Variants in PGPEP1L observed in about 807,000 individuals in gnomAD.
The protein encoded by PGPEP1L is pyroglutamyl-peptidase I like.
PGPEP1L carries 7 observed loss-of-function variants against 6.0 expected under a neutral mutation model. The ratio of observed to expected loss-of-function variants is 1.17; its 90% confidence interval spans 0.66 to 2.19. The LOEUF (loss-of-function observed/expected upper bound fraction) is 2.19. Ranked by LOEUF, PGPEP1L falls within the 30% of genes most tolerant of loss-of-function variation. The pLI, the probability that PGPEP1L is intolerant of heterozygous loss-of-function variation, is 0.00. For missense variants in PGPEP1L, 209 were observed against 192.5 expected (o/e 1.09, Z -0.51); for synonymous variants, 103 against 83.9 (o/e 1.23, Z -1.24).
Position 98,979,633 on chromosome 15 carries a change from C to CTTTTTTTTTTT in PGPEP1L, c.-141-8486_-141-8476dup, listed in dbSNP as rs568793204. On this transcript the variant is annotated intron_variant, in intron 2 of 4. Coordinates refer to ENST00000535714, the MANE Select transcript of PGPEP1L (RefSeq NM_001167902.2). ...AACCTGGATGGGATTGGAGACTATT[C>CTTTTTTTTTTT]TTTTTTTTTTTTTTTTTTTTTTTTT... 1.2e-3 allele frequency among the ~76,000 whole-genome samples: 55 copies of CTTTTTTTTTTT among 46,462 alleles called. 4 individuals are homozygous for CTTTTTTTTTTT. The highest frequency in any genetic ancestry group is 1.9e-3 in the Non-Finnish European group (40 of 21,264). 30.5% of individuals were successfully genotyped at this position (46,462 alleles called of 152,430 possible).
intron 2 of PGPEP1L, among the ~76,000 whole-genome samples, chr15:98,974,130 C>T (rs1721984325): frequency 6.6e-6 from 1 of 152,134 alleles, no homozygotes. Context: ...GCTGTAATCC[C>T]ACCACTTTGG....
intron 2 of PGPEP1L, among the ~76,000 whole-genome samples, chr15:98,980,100 T>G (rs570572181): frequency 4.5e-4 from 69 of 152,152 alleles, no homozygotes; most frequent in Admixed American, 7.9e-4. Flanking sequence ...GCTTGGGTGA[T>G]GCTGCACCAA....
chr15:98,984,924 A>T (rs912767594), intron 2 of PGPEP1L, among the ~76,000 whole-genome samples: 4 of 152,094 alleles, frequency 2.6e-5, no homozygotes, highest in Non-Finnish European at 5.9e-5. Flanking sequence ...GGAACCCTGG[A>T]CGTGGGCCTG....
At chr15:98,985,201 CCCTCAGGT>C in intron 2 of PGPEP1L, among the ~76,000 whole-genome samples, 1 of 152,272 alleles carries the variant, frequency 6.6e-6, no homozygotes, top group Non-Finnish European at 1.5e-5. Context: ...ACTTCGCTCA[CCCTCAGGT>C]CCTCAGGTTC....
chr15:98,991,462 A>G (rs1391203398), intron 2 of PGPEP1L, among the ~76,000 whole-genome samples: 1 of 152,208 alleles, frequency 6.6e-6, no homozygotes, highest in African/African-American at 2.4e-5. Context: ...TGAGGCACTA[A>G]TTGATAGCCT....
chr15:98,989,855 C>A (rs1191934168), intron 2 of PGPEP1L, among the ~76,000 whole-genome samples: 3 of 152,082 alleles, frequency 2.0e-5, no homozygotes, highest in African/African-American at 7.2e-5. Context: ...GAATTTTCAA[C>A]CCAGAATTTC....
intron 2 of PGPEP1L, among the ~76,000 whole-genome samples, chr15:98,997,932 A>G (rs1184735899): frequency 9.2e-5 from 14 of 152,110 alleles, no homozygotes; most frequent in African/African-American, 3.1e-4. Flanking sequence ...CATGAGGCAG[A>G]CAAGTCACAA....
rs761327265 is a variant in PGPEP1L at position 98,968,639 on chromosome 15, G to A, written c.268C>T (p.Leu90Phe). ...SLHHGKGCAA[L>F]IHVPPLSRGL... ...CGCGATAGTGGAGGGACATGGATGA[G>A]TGCCGCGCAGCCCTTTCCATGATGC... Residue 90 changes from leucine to phenylalanine, a missense_variant, in exon 5 of 5, where the codon CTC (leucine) becomes TTC (phenylalanine). Leu to Phe is a conservative substitution (Grantham distance 22). Transcript: ENST00000535714. 3.1e-6 allele frequency: 5 copies of A among 1,599,292 alleles called. No individual in the cohort carries two copies. The highest frequency in any genetic ancestry group is 4.3e-6 in the Non-Finnish European group (5 of 1,172,798).
At position 98,974,322 on chromosome 15, in the gene PGPEP1L, TAA is replaced by T. The variant is rs2017538234; in HGVS notation, c.-141-3166_-141-3165del. Among the ~76,000 whole-genome samples the T allele has an allele frequency of 2.0e-5, 3 of 151,940 alleles. No homozygotes were observed. In the South Asian group the frequency reaches 6.2e-4, roughly 32 times the overall value. On this transcript the variant is annotated intron_variant, in intron 2 of 4. Transcript: ENST00000535714. ...TGAGCCCAGAAGGTTGAGACTGCAG[TAA>T]GCCAAGATCACAGCACTGCACTCCA...
intron 2 of PGPEP1L, among the ~76,000 whole-genome samples, chr15:98,990,862 T>G (rs894687294): frequency 5.9e-5 from 9 of 152,208 alleles, no homozygotes; most frequent in African/African-American, 2.2e-4. Context: ...CCTGAATGAC[T>G]ACTGGGTAAA....
At chr15:99,005,157 T>C (rs1437797921) in intron 2 of PGPEP1L, among the ~76,000 whole-genome samples, 1 of 152,198 alleles carries the variant, frequency 6.6e-6, no homozygotes, top group Non-Finnish European at 1.5e-5. Flanking sequence ...AGGCAAGGTC[T>C]GAGCCTAAGC....
chr15:99,006,557 ACTGGCTCACGC>A (rs2018066842), intron 1 of PGPEP1L, among the ~76,000 whole-genome samples: 3 of 152,266 alleles, frequency 2.0e-5, no homozygotes, highest in Admixed American at 1.3e-4. Context: ...GGCCAGGTGC[ACTGGCTCACGC>A]CTTTAATTTC....
intron 3 of PGPEP1L, among the ~76,000 whole-genome samples, chr15:98,970,216 G>T (rs748749853): frequency 9.8e-4 from 149 of 151,300 alleles, no homozygotes; most frequent in Admixed American, 1.7e-3. Flanking sequence ...GCTAATTTTT[G>T]TATTTGTAGT....
At chr15:98,988,089 G>A (rs2017772588) in intron 2 of PGPEP1L, among the ~76,000 whole-genome samples, 1 of 152,178 alleles carries the variant, frequency 6.6e-6, no homozygotes, top group Non-Finnish European at 1.5e-5. Flanking sequence ...CTAGCTGCAG[G>A]AGTTTATTTT....
intron 2 of PGPEP1L, among the ~76,000 whole-genome samples, chr15:98,993,972 A>G (rs981314947): frequency 1.3e-5 from 2 of 152,240 alleles, no homozygotes; most frequent in Admixed American, 6.5e-5. Flanking sequence ...CAAGGACCTT[A>G]AAAAACAAAT....
In PGPEP1L at chr15:98,968,416, A is replaced by C. The variant is rs1178040020; in HGVS notation, c.*62T>G. 3.3e-6 allele frequency: 5 copies of C among 1,519,798 alleles called. No homozygotes were observed. In the Admixed American group the frequency reaches 9.7e-5, roughly 29 times the overall value. 94.1% of individuals were successfully genotyped at this position (1,519,798 alleles called of 1,614,324 possible). ...AATTTTTGAAAAAGTTTCTCAATGC[A>C]CAGTTGAGTGCTACATACAGGATTG... On this transcript the variant is annotated 3_prime_UTR_variant, in exon 5 of 5. Transcript: ENST00000535714.
intron 2 of PGPEP1L, among the ~76,000 whole-genome samples, chr15:98,987,165 C>CAA (rs57923635): frequency 0.04 from 1,318 of 32,926 alleles, 109 homozygotes; most frequent in Non-Finnish European, 0.047. Flanking sequence ...GACTCCATCT[C>CAA]AAAAAAAAAA....
chr15:98,976,224 T>C (rs2017567797), intron 2 of PGPEP1L, among the ~76,000 whole-genome samples: 1 of 152,188 alleles, frequency 6.6e-6, no homozygotes, highest in African/African-American at 2.4e-5. Context: ...AAATTTAATG[T>C]TATACATCAA....
chr15:98,971,194 TGGGGG>T lies in PGPEP1L; in HGVS notation c.-141-41_-141-37del, dbSNP rs57036063. 125 of 587,150 alleles carry T rather than the reference TGGGGG, an allele frequency of 2.1e-4. 1 individual carries two copies. In the African/African-American group the frequency reaches 4.0e-3, roughly 19 times the overall value. The allele number at this position is 587,150 out of a possible 1,614,324, so 36.4% of individuals were successfully genotyped here. A position where few individuals can be genotyped will look rare whatever the true frequency, so the allele number is the denominator to read the frequency against. ...CGGCAGGTGGACTTGCCTCAGTTGA[TGGGGG>T]GGGGGGGGGGGTGGGCACCAAGAGT... On this transcript the variant is annotated intron_variant, in intron 2 of 4. Coordinates refer to ENST00000535714, the MANE Select transcript of PGPEP1L (RefSeq NM_001167902.2).
Sources: allele counts gnomAD v4.1 joint callset (sites outside exome capture counted in the v4.1 genomes callset), GRCh38; gene constraint gnomAD v4.1.1; transcripts MANE v1.5; gene names NCBI Gene and HGNC (gene_info 2026-07-23, HGNC 2026-07-21).